Variants in GMDS observed in about 807,000 individuals in gnomAD.
GMDS encodes GDP-mannose 4,6-dehydratase, also known as GDP-mannose 4,6 dehydratase.
Under a neutral mutation model 49.9 loss-of-function variants are expected in GMDS, and 20 were observed. The ratio of observed to expected loss-of-function variants is 0.40; its 90% CI spans 0.28 to 0.58. The LOEUF (loss-of-function observed/expected upper bound fraction) is 0.58. GMDS is among the 20% of genes least tolerant of loss of function. GMDS has a pLI of 0.42. For synonymous variants in GMDS, 177 were observed against 178.6 expected, an observed-to-expected ratio of 0.99 and a Z score of 0.07; for missense variants, 362 against 481.4, an observed-to-expected ratio of 0.75 and a Z score of 2.32.
intron 9 of GMDS, among the ~76,000 whole-genome samples, chr6:1,724,397 G>C (rs1052435225): frequency 6.6e-6 from 1 of 152,168 alleles, no homozygotes; most frequent in Non-Finnish European, 1.5e-5. Context: ...GAACAGTCTT[G>C]TTAGTCTGAG....
intron 8 of GMDS, among the ~76,000 whole-genome samples, chr6:1,741,668 T>C (rs527696952): frequency 6.6e-6 from 1 of 151,316 alleles, no homozygotes; most frequent in African/African-American, 2.4e-5. Flanking sequence ...AAAAATTAGC[T>C]GGGCATGGTG....
chr6:1,811,163 G>A (rs1277728276), intron 7 of GMDS, among the ~76,000 whole-genome samples: 2 of 152,170 alleles, frequency 1.3e-5, no homozygotes, highest in Non-Finnish European at 2.9e-5. Context: ...ATGCTGTGCT[G>A]AGTAAACGCT....
At chr6:2,186,349 CAAA>C (rs1224711173) in intron 1 of GMDS, among the ~76,000 whole-genome samples, 3 of 152,102 alleles carry the variant, frequency 2.0e-5, no homozygotes, top group Non-Finnish European at 4.4e-5. Context: ...TTAAAATTAG[CAAA>C]AATACCAATT....
At chr6:1,693,479 G>A (rs537246995) in intron 9 of GMDS, among the ~76,000 whole-genome samples, 2 of 152,328 alleles carry the variant, frequency 1.3e-5, no homozygotes, top group African/African-American at 4.8e-5. Context: ...AGTGAGCTAG[G>A]GTACTCGAAG....
intron 1 of GMDS, among the ~76,000 whole-genome samples, chr6:2,234,423 C>T (rs1417105379): frequency 6.6e-6 from 1 of 152,092 alleles, no homozygotes; most frequent in Non-Finnish European, 1.5e-5. Context: ...GCCTGGTCAA[C>T]GTGGTGAAAC....
At chr6:2,141,363 T>C (rs1016099029) in intron 1 of GMDS, among the ~76,000 whole-genome samples, 6 of 152,170 alleles carry the variant, frequency 3.9e-5, no homozygotes, top group African/African-American at 9.7e-5. Flanking sequence ...TGACCTAAAC[T>C]GGACACAGGC....
intron 6 of GMDS, among the ~76,000 whole-genome samples, chr6:1,955,459 T>G (rs577385698): frequency 1.3e-5 from 2 of 152,362 alleles, no homozygotes; most frequent in South Asian, 4.1e-4. Flanking sequence ...TCATGACTTA[T>G]AGACATTTAA....
rs1770341376 is a variant in GMDS, at chr6:1,809,861, T to C, written c.772-67275A>G. The stretch of plus-strand genomic sequence containing the variant: ...AATATTTACGGTAACCGGAGGGTGA[T>C]ACGTTACAATACAACTCAGGTTCAC... On this transcript the variant is annotated intron_variant, in intron 7 of 10. Transcript: ENST00000380815. Among the ~76,000 whole-genome samples the C allele has an allele frequency of 2.0e-5, 3 of 152,272 alleles. No homozygotes were observed. The South Asian group carries it at 6.2e-4, about 32-fold the overall frequency.
intron 9 of GMDS, among the ~76,000 whole-genome samples, chr6:1,722,164 TC>T (rs1436580966): frequency 6.7e-6 from 1 of 148,970 alleles, no homozygotes; most frequent in African/African-American, 2.5e-5. Flanking sequence ...CCTCCCGGGT[TC>T]CCACCATTCT....
intron 3 of GMDS, among the ~76,000 whole-genome samples, chr6:2,116,965 T>C (rs1470140709): frequency 1.3e-5 from 2 of 152,168 alleles, no homozygotes; most frequent in Non-Finnish European, 2.9e-5. Flanking sequence ...TACAGCTGCA[T>C]ACAGACAAAT....
At chr6:1,689,222 G>A (rs4246058) in intron 9 of GMDS, among the ~76,000 whole-genome samples, 134,640 of 152,178 alleles carry the variant, frequency 0.88, 59,810 homozygotes, top group Middle Eastern at 0.95. Flanking sequence ...GTAGAATACA[G>A]TTAGGGAAGG....
At chr6:2,201,253 G>A (rs570673939) in intron 1 of GMDS, among the ~76,000 whole-genome samples, 1 of 142,126 alleles carries the variant, frequency 7.0e-6, no homozygotes, top group Non-Finnish European at 1.5e-5. Context: ...AGTGAGGGCA[G>A]CATGTTAGCA....
chr6:2,143,894 C>T (rs3778557), intron 1 of GMDS, among the ~76,000 whole-genome samples: 26,757 of 152,162 alleles, frequency 0.18, 2,769 homozygotes, highest in Admixed American at 0.22. Flanking sequence ...CCAATTCTTC[C>T]CTCCCATATT....
intron 9 of GMDS, among the ~76,000 whole-genome samples, chr6:1,716,559 G>A (rs545589165): frequency 3.3e-5 from 5 of 152,348 alleles, no homozygotes; most frequent in Admixed American, 2.0e-4. Context: ...CAGGCTTGGA[G>A]GTGAGGCGGT....
At position 1,833,652 on chromosome 6, in the gene GMDS, C is replaced by G. The variant is rs1285124125; in HGVS notation, c.772-91066G>C. 6.6e-6 allele frequency among the ~76,000 whole-genome samples: 1 copy of G among 152,162 alleles called. No individual in the cohort carries two copies. Among genetic ancestry groups the G allele is most frequent in the African/African-American group, 2.4e-5 (1 of 41,436 alleles). On this transcript the variant is annotated intron_variant, in intron 7 of 10. Transcript: ENST00000380815. The surrounding 1 kb of genome is among the most constrained non-coding windows in gnomAD (Gnocchi z 4.4). ...GCAGAAAACAAAACTTCACACCCCA[C>G]ACATATTTTGGATGACCTAATTCTT...
intron 6 of GMDS, among the ~76,000 whole-genome samples, chr6:1,935,968 T>C (rs1010119348): frequency 6.6e-6 from 1 of 152,118 alleles, no homozygotes; most frequent in Non-Finnish European, 1.5e-5. Context: ...AGATCATGGG[T>C]GGGCACTGAG....
At chr6:1,694,906 G>T (rs1194837650) in intron 9 of GMDS, among the ~76,000 whole-genome samples, 1 of 152,146 alleles carries the variant, frequency 6.6e-6, no homozygotes, top group African/African-American at 2.4e-5. Context: ...AGCCAACCCT[G>T]CTTTGGAAGG....
At chr6:1,970,033 C>G (rs1025196609) in intron 4 of GMDS, among the ~76,000 whole-genome samples, 3 of 152,168 alleles carry the variant, frequency 2.0e-5, no homozygotes, top group South Asian at 4.1e-4. Flanking sequence ...AAGAATGGAA[C>G]AAACTTTATA....
At chr6:1,644,048 G>A (rs1010690952) in intron 9 of GMDS, among the ~76,000 whole-genome samples, 6 of 152,212 alleles carry the variant, frequency 3.9e-5, no homozygotes, top group South Asian at 2.1e-4. Flanking sequence ...AGGGCCCAGC[G>A]CTGTGACTGA....
Sources: gnomAD v4.1 joint callset for allele counts (sites outside exome capture counted in the v4.1 genomes callset) on GRCh38, gnomAD v4.1.1 for gene constraint, Gnocchi (gnomAD v3.1) non-coding constraint, MANE v1.5 for transcripts, NCBI Gene and HGNC (gene_info 2026-07-23, HGNC 2026-07-21) for gene names.